The following ZNF490 variants were observed in gnomAD, a reference collection of about 807,000 sequenced individuals.
ZNF490 encodes zinc finger protein 490.
A neutral mutation model predicts 17.7 loss-of-function variants in ZNF490; 11 were observed. That is an observed-to-expected ratio of 0.62 (90% CI 0.39 to 1.03). The LOEUF (loss-of-function observed/expected upper bound fraction) is 1.03. Ranked by LOEUF, ZNF490 falls within the 50% of genes least tolerant of loss-of-function variation. The probability of loss-of-function intolerance (pLI) is 0.00; values close to 1 mark genes in which losing one functional copy is unlikely to be tolerated. For synonymous variants in ZNF490, 222 were observed against 216.1 expected (o/e 1.03, Z -0.24); for missense variants, 542 against 643.4 (o/e 0.84, Z 1.71).
chr19:12,599,148 AAAAAAAAAAAAAAAG>A (rs1200394433), intron 2 of ZNF490, among the ~76,000 whole-genome samples: 18 of 140,466 alleles, frequency 1.3e-4, no homozygotes, highest in African/African-American at 4.0e-4. Context: ...TCAAAAAAAA[AAAAAAAAAAAAAAAG>A]AAAGAAAGAA....
Position 12,610,630 on chromosome 19 carries a change from C to A in ZNF490, c.51G>T (p.Glu17Asp). The A allele has an allele frequency of 6.2e-7, 1 of 1,614,048 alleles. No homozygotes were observed. Among genetic ancestry groups the A allele is most frequent in the Non-Finnish European group, 8.5e-7 (1 of 1,180,022 alleles). Residue 17 changes from glutamate to aspartate, a missense_variant, in exon 1 of 5, where the codon GAG (glutamate) becomes GAT (aspartate). Glu to Asp is a conservative substitution (Grantham distance 45). Transcript: ENST00000311437. The part of the protein sequence containing the change: ...LSFQMERPLE[E>D]QVQSKWSSSQ... ...TAGACGACCACTTGCTCTGGACTTG[C>A]TCCTCGAGGGGTCGCTCCATCTGGA... is the stretch of plus-strand genomic sequence containing the variant.
rs146353473 is a variant in ZNF490 at position 12,576,630 on chromosome 19, A to G, written c.*3855T>C. 2.0e-5 allele frequency among the ~76,000 whole-genome samples: 3 copies of G among 151,702 alleles called. No individual in the cohort carries two copies. Among genetic ancestry groups the G allele is most frequent in the Admixed American group, 1.3e-4 (2 of 15,202 alleles). ...GGAGATTGAGACCATCCTGGTCAACATGGTGAAACCCCATCTCTACTAAAA... is the reference window on the plus strand; with the variant it reads ...GGAGATTGAGACCATCCTGGTCAACGTGGTGAAACCCCATCTCTACTAAAA... On this transcript the variant is annotated 3_prime_UTR_variant, in exon 5 of 5. Transcript: ENST00000311437.
chr19:12,609,218 AG>A lies in ZNF490; in HGVS notation c.118-17del. 1 of 1,613,468 alleles carries A rather than the reference AG, an allele frequency of 6.2e-7. No homozygotes were observed. The highest frequency in any genetic ancestry group is 1.3e-5 in the African/African-American group (1 of 75,008). ...TGTTCTGCATCTAATTAGAAACAAG[AG>A]GATGCATTTTGTGAGTTTCAGCAAT... is the stretch of plus-strand genomic sequence containing the variant. On this transcript the variant is annotated splice_polypyrimidine_tract_variant and intron_variant, in intron 1 of 4. Coordinates refer to ENST00000311437, the MANE Select transcript of ZNF490 (RefSeq NM_020714.3).
At chr19:12,592,763 A>G (rs2022887472) in intron 2 of ZNF490, among the ~76,000 whole-genome samples, 1 of 152,246 alleles carries the variant, frequency 6.6e-6, no homozygotes, top group Non-Finnish European at 1.5e-5. Flanking sequence ...GTATTAAAGT[A>G]ATAGAAAATA....
In ZNF490 at chr19:12,578,098, C is replaced by T. The variant is rs2022670576; in HGVS notation, c.*2387G>A. On this transcript the variant is annotated 3_prime_UTR_variant, in exon 5 of 5. Transcript: ENST00000311437. Reference sequence around the variant, plus strand: ...GAGCGCTGCAGGGTGGGTCCTTTTCCAAGAAGAGCTAAGTGCTAGTCTTAG... The same window carrying T: ...GAGCGCTGCAGGGTGGGTCCTTTTCTAAGAAGAGCTAAGTGCTAGTCTTAG... 1 of 985,406 alleles carries T rather than the reference C, an allele frequency of 1.0e-6. No individual in the cohort carries two copies. The highest frequency in any genetic ancestry group is 1.2e-6 in the Non-Finnish European group (1 of 829,982). The allele number at this position is 985,406 out of a possible 1,614,324, so 61.0% of individuals were successfully genotyped here.
chr19:12,581,606 C>T lies in ZNF490; in HGVS notation c.469G>A (p.Asp157Asn). 6.2e-7 allele frequency: 1 copy of T among 1,614,132 alleles called. No homozygotes were observed. The highest frequency in any genetic ancestry group is 8.5e-7 in the Non-Finnish European group (1 of 1,180,012). ...AAGACTTCCCCACACACACTGCAGT[C>T]ACATGGTTTTAATCCAGTAGGAGTT... ...LETPTGLKPCDCSVCGEVFMH... is the reference protein window; with the variant it reads ...LETPTGLKPCNCSVCGEVFMH... The change falls in exon 5 of 5, where the codon GAC becomes AAC. Residue 157 changes from aspartate (D) to asparagine (N), a missense_variant. Transcript: ENST00000311437.
chr19:12,596,608 T>G (rs1447873036), intron 2 of ZNF490, among the ~76,000 whole-genome samples: 1 of 151,674 alleles, frequency 6.6e-6, no homozygotes, highest in Non-Finnish European at 1.5e-5. Context: ...TGAGATGCAG[T>G]GAGGTTTGAT....
intron 1 of ZNF490, 77 bp downstream of exon 1, chr19:12,610,486 AT>A: frequency 2.6e-6 from 3 of 1,154,100 alleles, no homozygotes; most frequent in Non-Finnish European, 3.9e-6. Context: ...ATTACACATG[AT>A]GGGGTAACCG....
intron 2 of ZNF490, among the ~76,000 whole-genome samples, chr19:12,589,871 CATGTATGT>C (rs557685394): frequency 1.7e-3 from 253 of 149,580 alleles, no homozygotes; most frequent in Middle Eastern, 6.9e-3. Flanking sequence ...TCTCACCATT[CATGTATGT>C]ATGTATGTAT....
chr19:12,577,757 C>A lies in ZNF490; in HGVS notation c.*2728G>T. On this transcript the variant is annotated 3_prime_UTR_variant, in exon 5 of 5. Transcript: ENST00000311437. The stretch of plus-strand genomic sequence containing the variant: ...AGGCCAGAGGCCTAAAGAGTTCCGA[C>A]CCGAGCGACACAAAGATCACTTCTG... The A allele has an allele frequency of 1.0e-6, 1 of 985,512 alleles. No individual in the cohort carries two copies. The highest frequency in any genetic ancestry group is 1.2e-6 in the Non-Finnish European group (1 of 830,004). 61.0% of individuals were successfully genotyped at this position (985,512 alleles called of 1,614,324 possible).
rs1210112876 is a variant in ZNF490 at position 12,585,855 on chromosome 19, A to G, written c.163-2299T>C. Among the ~76,000 whole-genome samples, 27 of 93,354 alleles carry G rather than the reference A, an allele frequency of 2.9e-4. 8 individuals are homozygous for G. The highest frequency in any genetic ancestry group is 1.2e-3 in the East Asian group (6 of 4,802). The allele number at this position is 93,354 out of a possible 152,430, so 61.2% of individuals were successfully genotyped here. A position where few individuals can be genotyped will look rare whatever the true frequency, so the allele number is the denominator to read the frequency against. On this transcript the variant is annotated intron_variant, in intron 2 of 4. Transcript: ENST00000311437. ...CAGGCATACACAACCACACCCAGCT[A>G]ATTTTTGTATTTTTAGTAGAGACAG...
At position 12,580,563 on chromosome 19, in the gene ZNF490, A is replaced by G; in HGVS notation, c.1512T>C (p.Cys504=). The stretch of plus-strand genomic sequence containing the variant: ...AACTGAAGGCTTTACCACATTGTCT[A>G]CACTGAAAGGGTCTTTCTCCAGTAT... ...RIHTGERPFQ[C]RQCGKAFSYS... The change falls in exon 5 of 5, where the codon TGT becomes TGC. Residue 504 remains cysteine (C), a synonymous_variant. Coordinates refer to ENST00000311437, the MANE Select transcript of ZNF490 (RefSeq NM_020714.3). 6.2e-7 allele frequency: 1 copy of G among 1,614,168 alleles called. No individual in the cohort carries two copies. Among genetic ancestry groups the G allele is most frequent in the South Asian group, 1.1e-5 (1 of 91,086 alleles).
At chr19:12,610,089 T>C (rs2023127077) in intron 1 of ZNF490, 1 of 396,170 alleles carries the variant, frequency 2.5e-6, no homozygotes, top group African/African-American at 2.1e-5. Flanking sequence ...CGCAGTTTAC[T>C]GAGCACGTCT....
Position 12,582,906 on chromosome 19 carries a change from T to C in ZNF490, c.294A>G (p.Glu98=), listed in dbSNP as rs1293351054. The change falls in exon 4 of 5, where the codon GAA becomes GAG. Residue 98 remains glutamate (E), a synonymous_variant. Transcript: ENST00000311437. ...ATFKNLACIG[E]KWKDQDIEDE... is the part of the protein sequence containing the mutation. ...CTTCAATATCCTGGTCTTTCCATTT[T>C]TCCCCTAAAATACAAGCCCAGAGAA... is the stretch of plus-strand genomic sequence containing the variant. 1 of 1,611,752 alleles carries C rather than the reference T, an allele frequency of 6.2e-7. No individual in the cohort carries two copies. Among genetic ancestry groups the C allele is most frequent in the Non-Finnish European group, 8.5e-7 (1 of 1,179,018 alleles).
At position 12,580,910 on chromosome 19, in the gene ZNF490, G is replaced by A. The variant is rs531353057; in HGVS notation, c.1165C>T (p.Pro389Ser). The A allele has an allele frequency of 6.2e-6, 10 of 1,614,170 alleles. 1 individual carries two copies. The Admixed American group carries it at 1.7e-4, about 27-fold the overall frequency. The change falls in exon 5 of 5, where the codon CCC (proline) becomes TCC (serine). Residue 389 changes from proline (P) to serine (S), a missense_variant. Transcript: ENST00000311437. ...VHERTHFGEK[P>S]YECKQCGKAF... ...TTACCACATTGTTTACATTCATAGG[G>A]TTTTTCTCCAAAATGAGTTCTTTCG...
At position 12,576,553 on chromosome 19, in the gene ZNF490, G is replaced by A. The variant is rs947653505; in HGVS notation, c.*3932C>T. On this transcript the variant is annotated 3_prime_UTR_variant, in exon 5 of 5. Transcript: ENST00000311437. The stretch of plus-strand genomic sequence containing the variant: ...TAACCAGCCAGGCAGAGTGGCTCAC[G>A]CCTGTAATCCCAGCACTTTGGGGAG... 2.6e-5 allele frequency among the ~76,000 whole-genome samples: 4 copies of A among 151,290 alleles called. No individual in the cohort carries two copies. The highest frequency in any genetic ancestry group is 7.3e-5 in the African/African-American group (3 of 41,144).
chr19:12,598,672 C>T (rs1441080434), intron 2 of ZNF490, among the ~76,000 whole-genome samples: 2 of 151,416 alleles, frequency 1.3e-5, no homozygotes, highest in Non-Finnish European at 2.9e-5. Context: ...CCACCATGCC[C>T]GTCAATAATT....
At chr19:12,590,737 T>C (rs1265381610) in intron 2 of ZNF490, among the ~76,000 whole-genome samples, 1 of 151,980 alleles carries the variant, frequency 6.6e-6, no homozygotes, top group Non-Finnish European at 1.5e-5. Flanking sequence ...TAAGGCCAAC[T>C]CCTTTCCTAC....
chr19:12,585,316 C>A (rs528963240), intron 2 of ZNF490, among the ~76,000 whole-genome samples: 1 of 92,904 alleles, frequency 1.1e-5, no homozygotes, highest in African/African-American at 3.2e-5. Context: ...CAGAGGTGGG[C>A]AGATCATTTG....
Sources: gnomAD v4.1 joint callset for allele counts (sites outside exome capture counted in the v4.1 genomes callset) on GRCh38, gnomAD v4.1.1 for gene constraint, MANE v1.5 for transcripts, NCBI Gene and HGNC (gene_info 2026-07-23, HGNC 2026-07-21) for gene names.